GALNT15: variants seen among roughly 807,000 people sequenced by gnomAD.
GALNT15 encodes polypeptide N-acetylgalactosaminyltransferase 15.
A neutral mutation model predicts 66.8 loss-of-function variants in GALNT15; 67 were observed. That is an observed-to-expected ratio of 1.00 (90% CI 0.82 to 1.23). The LOEUF is 1.23. Among genes scored for constraint, GALNT15 ranks in the 50% most tolerant of loss-of-function variants. The probability of loss-of-function intolerance (pLI) is 0.00; values close to 1 mark genes in which losing one functional copy is unlikely to be tolerated. For synonymous variants in GALNT15, 313 were observed against 311.5 expected (o/e 1.00, Z -0.05); for missense variants, 827 against 804.3 (o/e 1.03, Z -0.34).
chr3:16,206,393 G>T (rs1474323449), intron 3 of GALNT15, among the ~76,000 whole-genome samples: 4 of 151,056 alleles, frequency 2.6e-5, no homozygotes, highest in Non-Finnish European at 4.4e-5. Flanking sequence ...AAAAAAAAAG[G>T]CCGGGCGCGA....
chr3:16,189,148 C>T lies in GALNT15; in HGVS notation c.540-6612C>T, dbSNP rs2124850555. Among the ~76,000 whole-genome samples the T allele has an allele frequency of 6.6e-6, 1 of 152,260 alleles. No individual in the cohort carries two copies. The highest frequency in any genetic ancestry group is 2.1e-4 in the South Asian group (1 of 4,818). On this transcript the variant is annotated intron_variant, in intron 1 of 9. Coordinates refer to ENST00000339732, the MANE Select transcript of GALNT15 (RefSeq NM_054110.5). This position sits in a 1 kb window ranked among gnomAD's most constrained non-coding sequence, Gnocchi z 5.1. Reference sequence around the variant, plus strand: ...GCAAGAAGATTGGAGAGCTTTGCTCCCGGTGGCAGCCTGAATCACAGGAAA... The same window carrying T: ...GCAAGAAGATTGGAGAGCTTTGCTCTCGGTGGCAGCCTGAATCACAGGAAA...
chr3:16,218,331 C>G (rs2063902357), intron 6 of GALNT15, among the ~76,000 whole-genome samples: 1 of 152,204 alleles, frequency 6.6e-6, no homozygotes, highest in Non-Finnish European at 1.5e-5. Context: ...CTCGCTTCCT[C>G]TCCCCATGCC....
At position 16,174,899 on chromosome 3, in the gene GALNT15, G is replaced by C; in HGVS notation, c.-253G>C. ...TTCAATTTGAAGTCCCTGTGAATGGGCTTTCAGAAGGCAATTAAAGAAATC... is the reference window on the plus strand; with the variant it reads ...TTCAATTTGAAGTCCCTGTGAATGGCCTTTCAGAAGGCAATTAAAGAAATC... On this transcript the variant is annotated 5_prime_UTR_variant, in exon 1 of 10. Transcript: ENST00000339732. The surrounding 1 kb of genome is among the most constrained non-coding windows in gnomAD (Gnocchi z 4.7). 2.0e-6 allele frequency: 1 copy of C among 501,574 alleles called. No individual in the cohort carries two copies. Among genetic ancestry groups the C allele is most frequent in the Non-Finnish European group, 3.5e-6 (1 of 282,732 alleles). 31.1% of individuals were successfully genotyped at this position (501,574 alleles called of 1,614,324 possible). A position where few individuals can be genotyped will look rare whatever the true frequency, so the allele number is the denominator to read the frequency against.
At chr3:16,210,985 TA>T (rs1410289315) in intron 4 of GALNT15, 138 bp from the exon 5 acceptor site, 37 of 624,714 alleles carry the variant, frequency 5.9e-5, no homozygotes, top group Non-Finnish European at 9.5e-5. Context: ...GTCTTGCAAT[TA>T]AAAAATTGCA....
At chr3:16,222,531 C>T in intron 8 of GALNT15, 84 bp from the exon 9 acceptor site, 4 of 1,541,746 alleles carry the variant, frequency 2.6e-6, no homozygotes, top group Middle Eastern at 1.7e-4. Flanking sequence ...GACCTCAGCT[C>T]TATAGTGGGT....
rs1241523546 is a variant in GALNT15, at chr3:16,180,740, G to A, written c.539+5050G>A. ...GCAGAGAGGAACAGGCTCCCTCATGGCCCCGGCAGTTTGTCCCTAAACATA... is the reference window on the plus strand; with the variant it reads ...GCAGAGAGGAACAGGCTCCCTCATGACCCCGGCAGTTTGTCCCTAAACATA... On this transcript the variant is annotated intron_variant, in intron 1 of 9. Transcript: ENST00000339732. This position sits in a 1 kb window ranked among gnomAD's most constrained non-coding sequence, Gnocchi z 5.0. Among the ~76,000 whole-genome samples the A allele has an allele frequency of 1.3e-5, 2 of 152,212 alleles. No homozygotes were observed. Among genetic ancestry groups the A allele is most frequent in the Non-Finnish European group, 2.9e-5 (2 of 68,038 alleles).
chr3:16,198,741 TC>T (rs1307755503), intron 2 of GALNT15, among the ~76,000 whole-genome samples: 1 of 142,162 alleles, frequency 7.0e-6, no homozygotes. Context: ...GGGACTCCTT[TC>T]CTCTACTGCT....
chr3:16,213,020 G>A (rs1046337311), intron 6 of GALNT15, among the ~76,000 whole-genome samples: 10 of 152,224 alleles, frequency 6.6e-5, no homozygotes, highest in African/African-American at 2.2e-4. Flanking sequence ...TATGGGATGG[G>A]ATCCCTCACC....
chr3:16,233,426 A>G (rs1224400709), downstream of GALNT15, among the ~76,000 whole-genome samples: 3 of 152,014 alleles, frequency 2.0e-5, no homozygotes, highest in African/African-American at 4.8e-5. Flanking sequence ...TGTAATAACA[A>G]CCGTTGTTAA....
rs935445129 is a variant in GALNT15 at position 16,209,137 on chromosome 3, A to C, written c.1079+467A>C. ...ATAGGTCTCAAATATATCCTATTGTATGGGTCGCTTCTCACATGTTTGGTT... is the reference window on the plus strand; with the variant it reads ...ATAGGTCTCAAATATATCCTATTGTCTGGGTCGCTTCTCACATGTTTGGTT... On this transcript the variant is annotated intron_variant, in intron 4 of 9. Coordinates refer to ENST00000339732, the MANE Select transcript of GALNT15 (RefSeq NM_054110.5). The surrounding 1 kb of genome is among the most constrained non-coding windows in gnomAD (Gnocchi z 4.1). Among the ~76,000 whole-genome samples the C allele has an allele frequency of 6.6e-6, 1 of 152,202 alleles. No individual in the cohort carries two copies. Among genetic ancestry groups the C allele is most frequent in the East Asian group, 1.9e-4 (1 of 5,198 alleles).
chr3:16,231,794 A>T (rs1475633212), downstream of GALNT15: 3 of 1,535,570 alleles, frequency 2.0e-6, no homozygotes, highest in Non-Finnish European at 2.6e-6. This position sits in a 1 kb window ranked among gnomAD's most constrained non-coding sequence, Gnocchi z 4.1. Flanking sequence ...CTCTCTCAGG[A>T]TGAGAACAGG....
intron 1 of GALNT15, among the ~76,000 whole-genome samples, chr3:16,194,084 T>C (rs1436034093): frequency 2.6e-5 from 4 of 152,120 alleles, no homozygotes; most frequent in African/African-American, 4.8e-5. Context: ...GTGTGAGAGT[T>C]TTGAAGGTAG....
At position 16,219,710 on chromosome 3, in the gene GALNT15, C is replaced by A. The variant is rs1247700179; in HGVS notation, c.1524+176C>A. On this transcript the variant is annotated intron_variant, in intron 7 of 9. Coordinates refer to ENST00000339732, the MANE Select transcript of GALNT15 (RefSeq NM_054110.5). This position sits in a 1 kb window ranked among gnomAD's most constrained non-coding sequence, Gnocchi z 4.3. Reference sequence around the variant, plus strand: ...TGAGGAAGGTGGCTGAGTTTTGCCCCATTACCCACCCCAAAGCACCTCCTT... The same window carrying A: ...TGAGGAAGGTGGCTGAGTTTTGCCCAATTACCCACCCCAAAGCACCTCCTT... Among the ~76,000 whole-genome samples the A allele has an allele frequency of 6.6e-6, 1 of 152,238 alleles. No individual in the cohort carries two copies. Among genetic ancestry groups the A allele is most frequent in the African/African-American group, 2.4e-5 (1 of 41,466 alleles).
chr3:16,231,314 A>G (rs1409148274), downstream of GALNT15, among the ~76,000 whole-genome samples: 1 of 152,044 alleles, frequency 6.6e-6, no homozygotes, highest in Admixed American at 6.5e-5. The surrounding 1 kb of genome is among the most constrained non-coding windows in gnomAD (Gnocchi z 4.1). Context: ...TCTAGAACTT[A>G]AAGTAAAATA....
Position 16,201,239 on chromosome 3 carries a change from CG to C in GALNT15, c.911+420del, listed in dbSNP as rs1308096494. 3.3e-5 allele frequency among the ~76,000 whole-genome samples: 5 copies of C among 152,024 alleles called. No homozygotes were observed. In the East Asian group the frequency reaches 9.7e-4, roughly 29 times the overall value. Reference sequence around the variant, plus strand: ...CTCTGTCACCCAGGCTGGAGTGCAGCGGGGCGATCTCGGCTCACTGCAAGCT... The same window carrying C: ...CTCTGTCACCCAGGCTGGAGTGCAGCGGGCGATCTCGGCTCACTGCAAGCT... On this transcript the variant is annotated intron_variant, in intron 3 of 9. Transcript: ENST00000339732.
chr3:16,240,533 A>G, the GALNT15 span, among the ~76,000 whole-genome samples: 1 of 152,240 alleles, frequency 6.6e-6, no homozygotes, highest in South Asian at 2.1e-4. Flanking sequence ...CTTTTGATGC[A>G]TTTGCCAAGT....
the GALNT15 span, among the ~76,000 whole-genome samples, chr3:16,245,431 G>A: frequency 6.6e-6 from 1 of 152,230 alleles, no homozygotes; most frequent in Non-Finnish European, 1.5e-5. Flanking sequence ...TTAGGCCCTA[G>A]AACGGAAACA....
chr3:16,229,037 A>G lies in GALNT15; in HGVS notation c.*1537A>G, dbSNP rs143518227. On this transcript the variant is annotated 3_prime_UTR_variant, in exon 10 of 10. Transcript: ENST00000339732. Reference sequence around the variant, plus strand: ...TATTTAATAAACAGCATTCATATTCATTTTTCCCCAGATGGAGTTACCTAC... The same window carrying G: ...TATTTAATAAACAGCATTCATATTCGTTTTTCCCCAGATGGAGTTACCTAC... The G allele has an allele frequency of 5.1e-6, 5 of 985,318 alleles. No homozygotes were observed. Among genetic ancestry groups the G allele is most frequent in the Non-Finnish European group, 6.0e-6 (5 of 829,922 alleles). The allele number at this position is 985,318 out of a possible 1,614,324, so 61.0% of individuals were successfully genotyped here.
Position 16,195,716 on chromosome 3 carries a change from G to GGT in GALNT15, c.540-44_540-43insGT. The GGT allele has an allele frequency of 6.4e-7, 1 of 1,574,060 alleles. No homozygotes were observed. The highest frequency in any genetic ancestry group is 1.3e-5 in the African/African-American group (1 of 74,250). ...AGTTAGAGGGTGTGGAGTGTTTCTT[G>GGT]TGGCCTTCTCTTCCCCATGGCTCTC... is the stretch of plus-strand genomic sequence containing the variant. On this transcript the variant is annotated intron_variant, in intron 1 of 9. Transcript: ENST00000339732. The surrounding 1 kb of genome is among the most constrained non-coding windows in gnomAD (Gnocchi z 4.6).
Sources: allele counts gnomAD v4.1 joint callset (sites outside exome capture counted in the v4.1 genomes callset), GRCh38; gene constraint gnomAD v4.1.1; non-coding constraint Gnocchi (gnomAD v3.1); transcripts MANE v1.5; gene names NCBI Gene and HGNC (gene_info 2026-07-23, HGNC 2026-07-21).